The following NRXN1 variants were observed in gnomAD, a reference collection of about 807,000 sequenced individuals.
NRXN1 encodes neurexin 1.
Under a neutral mutation model 150.9 loss-of-function variants are expected in NRXN1, and 39 were observed. That is an observed-to-expected ratio of 0.26 (90% confidence interval 0.20 to 0.34). NRXN1 has a LOEUF of 0.34. Among genes scored for constraint, NRXN1 ranks in the 10% least tolerant of loss-of-function variants. NRXN1 has a pLI of 1.00. For missense variants in NRXN1, 1,815 were observed against 1,949.9 expected (o/e 0.93, Z 1.30); for synonymous variants, 924 against 757.0 (o/e 1.22, Z -3.62).
At chr2:50,664,306 G>A (rs954722773) in intron 5 of NRXN1, among the ~76,000 whole-genome samples, 5 of 151,250 alleles carry the variant, frequency 3.3e-5, no homozygotes, top group Admixed American at 2.6e-4. Context: ...AAGAAACTTG[G>A]CTAAGCCAAG....
chr2:50,339,274 A>G (rs925037912), intron 17 of NRXN1, among the ~76,000 whole-genome samples: 3 of 152,130 alleles, frequency 2.0e-5, no homozygotes, highest in South Asian at 2.1e-4. Context: ...GCTTTTACCA[A>G]TTTTAATTAT....
intron 5 of NRXN1, among the ~76,000 whole-genome samples, chr2:50,764,383 G>T (rs904709979): frequency 9.9e-5 from 15 of 151,868 alleles, no homozygotes; most frequent in Non-Finnish European, 1.3e-4. Flanking sequence ...GACATCTAAG[G>T]CTGAATTTTA....
At chr2:50,048,487 G>C (rs554395160) in intron 21 of NRXN1, among the ~76,000 whole-genome samples, 1 of 152,174 alleles carries the variant, frequency 6.6e-6, no homozygotes, top group East Asian at 1.9e-4. Flanking sequence ...GTTGCAAAAT[G>C]TATTTTGTTA....
chr2:50,598,674 ATGTG>A (rs1204397679), intron 8 of NRXN1, among the ~76,000 whole-genome samples: 2 of 147,392 alleles, frequency 1.4e-5, no homozygotes. Context: ...ATTCATATAT[ATGTG>A]TATGTATATA....
Position 50,253,964 on chromosome 2 carries a change from G to A in NRXN1, c.3365-16994C>T, listed in dbSNP as rs544484834. Among the ~76,000 whole-genome samples the A allele has an allele frequency of 4.0e-5, 6 of 150,948 alleles. No homozygotes were observed. The South Asian group carries it at 1.2e-3, about 31-fold the overall frequency. ...AGGGAGAAGTCCCTCCTTTTCAATT[G>A]TTTGGAATCATTTCAGAAGAAATGG... On this transcript the variant is annotated intron_variant, in intron 17 of 22. Coordinates refer to ENST00000401669, the MANE Select transcript of NRXN1 (RefSeq NM_001330078.2).
chr2:50,578,746 T>G (rs933067666), intron 8 of NRXN1, among the ~76,000 whole-genome samples: 2 of 151,996 alleles, frequency 1.3e-5, no homozygotes, highest in Admixed American at 1.3e-4. Context: ...TAATTTATAT[T>G]CTAGATCTAG....
At chr2:50,561,712 T>C (rs1558939804) in intron 8 of NRXN1, among the ~76,000 whole-genome samples, 2 of 152,210 alleles carry the variant, frequency 1.3e-5, no homozygotes, top group African/African-American at 4.8e-5. Flanking sequence ...ACTTTAAAAC[T>C]ATGTTAGCTT....
chr2:50,005,133 T>C (rs1356471809), intron 21 of NRXN1, among the ~76,000 whole-genome samples: 2 of 152,170 alleles, frequency 1.3e-5, no homozygotes, highest in African/African-American at 4.8e-5. Flanking sequence ...TTATTATTTC[T>C]GCTGCAAAGA....
chr2:50,594,887 C>T (rs983745730), intron 8 of NRXN1, among the ~76,000 whole-genome samples: 13 of 152,034 alleles, frequency 8.6e-5, no homozygotes, highest in Admixed American at 4.6e-4. Context: ...AATCACTCCA[C>T]GATGCTTTAA....
chr2:50,308,049 C>T (rs184621652), intron 17 of NRXN1, among the ~76,000 whole-genome samples: 10 of 152,236 alleles, frequency 6.6e-5, no homozygotes, highest in Non-Finnish European at 1.5e-4. Flanking sequence ...ATTAACATAA[C>T]CATCTAGTCA....
Position 50,562,940 on chromosome 2 carries a change from C to T in NRXN1, c.1321-9915G>A, listed in dbSNP as rs549848296. ...CAACCAACCCATTAACATTAATTAGCTTACAATGTTTATACGTTATAAACA... is the reference window on the plus strand; with the variant it reads ...CAACCAACCCATTAACATTAATTAGTTTACAATGTTTATACGTTATAAACA... On this transcript the variant is annotated intron_variant, in intron 8 of 22. Coordinates refer to ENST00000401669, the MANE Select transcript of NRXN1 (RefSeq NM_001330078.2). 2.0e-5 allele frequency among the ~76,000 whole-genome samples: 3 copies of T among 152,102 alleles called. No individual in the cohort carries two copies. The South Asian group carries it at 6.2e-4, about 32-fold the overall frequency.
intron 8 of NRXN1, among the ~76,000 whole-genome samples, chr2:50,586,513 C>A (rs993343523): frequency 1.3e-5 from 2 of 151,586 alleles, no homozygotes; most frequent in Non-Finnish European, 2.9e-5. Flanking sequence ...AAAGTATGCA[C>A]ATATTAAATT....
At chr2:50,932,518 A>C (rs1461341245) in intron 2 of NRXN1, among the ~76,000 whole-genome samples, 1 of 152,036 alleles carries the variant, frequency 6.6e-6, no homozygotes, top group Admixed American at 6.6e-5. Context: ...GTTCCCACTT[A>C]CAAGTGGGAA....
chr2:51,003,067 G>A (rs986768072), intron 2 of NRXN1, among the ~76,000 whole-genome samples: 2 of 151,796 alleles, frequency 1.3e-5, no homozygotes, highest in African/African-American at 4.8e-5. Flanking sequence ...AGAAATAGGA[G>A]GAAACACTTA....
chr2:50,992,361 A>G, intron 2 of NRXN1, among the ~76,000 whole-genome samples: 1 of 151,996 alleles, frequency 6.6e-6, no homozygotes, highest in African/African-American at 2.4e-5. Flanking sequence ...AAATATTTGA[A>G]TGTAAATATT....
chr2:50,152,772 G>C (rs773572841), intron 18 of NRXN1, among the ~76,000 whole-genome samples: 2 of 151,572 alleles, frequency 1.3e-5, no homozygotes, highest in Non-Finnish European at 1.5e-5. Context: ...GTCTTTTGAC[G>C]GTTTGATTCT....
chr2:49,919,054 G>A lies in NRXN1; in HGVS notation c.*2890C>T, dbSNP rs181808095. The stretch of plus-strand genomic sequence containing the variant: ...GCCTTTCTTTGATGTCTTAGGGATT[G>A]ACCACTTCACACGTTATTGTAGTAT... On this transcript the variant is annotated 3_prime_UTR_variant, in exon 23 of 23. Coordinates refer to ENST00000401669, the MANE Select transcript of NRXN1 (RefSeq NM_001330078.2). 4 of 152,168 alleles carry A rather than the reference G, an allele frequency of 2.6e-5. No homozygotes were observed. The highest frequency in any genetic ancestry group is 9.6e-5 in the African/African-American group (4 of 41,552). The allele number at this position is 152,168 out of a possible 1,614,324, so 9.4% of individuals were successfully genotyped here.
intron 5 of NRXN1, among the ~76,000 whole-genome samples, chr2:50,820,758 T>C (rs1468323777): frequency 6.6e-6 from 1 of 152,112 alleles, no homozygotes; most frequent in Non-Finnish European, 1.5e-5. Context: ...CAGGTTCCAG[T>C]TTCCAGATGT....
intron 8 of NRXN1, among the ~76,000 whole-genome samples, chr2:50,570,147 A>G (rs1228099237): frequency 6.6e-6 from 1 of 152,196 alleles, no homozygotes; most frequent in African/African-American, 2.4e-5. Context: ...TAAGAAGCCA[A>G]TATCAAAGCA....
Sources: gnomAD v4.1 joint callset for allele counts (sites outside exome capture counted in the v4.1 genomes callset) on GRCh38, gnomAD v4.1.1 for gene constraint, MANE v1.5 for transcripts, NCBI Gene and HGNC (gene_info 2026-07-23, HGNC 2026-07-21) for gene names.